Variants in CNOT1 observed in about 807,000 individuals in gnomAD.
CNOT1 encodes CCR4-associated factor 1.
In CNOT1, 15 loss-of-function variants were observed where a neutral mutation model predicts 273.8. The observed-to-expected ratio is 0.05, with a 90% CI of 0.04 to 0.08. The LOEUF (loss-of-function observed/expected upper bound fraction) is 0.08, where lower values mean the gene tolerates loss of function less well. Ranked by LOEUF, CNOT1 falls within the 10% of genes least tolerant of loss-of-function variation. The pLI is 1.00. For synonymous variants in CNOT1, 1,022 were observed against 1,005.5 expected (o/e 1.02, Z -0.31); for missense variants, 1,644 against 2,912.2 (o/e 0.56, Z 10.02).
intron 1 of CNOT1, among the ~76,000 whole-genome samples, chr16:58,625,684 C>CA (rs374135053): frequency 0.037 from 5,302 of 142,270 alleles, 290 homozygotes; most frequent in African/African-American, 0.13. Context: ...AACTCTCTCT[C>CA]AAAAAAAAAA....
At chr16:58,575,835 C>G (rs1054479152) in intron 14 of CNOT1, among the ~76,000 whole-genome samples, 1 of 152,072 alleles carries the variant, frequency 6.6e-6, no homozygotes, top group Non-Finnish European at 1.5e-5. Flanking sequence ...TCAAAAGATC[C>G]TGTTGATTCT....
rs1014116200 is a variant in CNOT1 at position 58,581,415 on chromosome 16, T to C, written c.1145A>G (p.Gln382Arg). The C allele has an allele frequency of 6.2e-7, 1 of 1,614,068 alleles. No homozygotes were observed. Among genetic ancestry groups the C allele is most frequent in the Non-Finnish European group, 8.5e-7 (1 of 1,179,996 alleles). ...GAACACTTCCATACCCAAACCCCTC[T>C]GAATGCCATAAACCACATTATGAAG... Reference protein sequence around the residue: ...KGLHNVVYGIQRGLGMEVFPV... With the variant: ...KGLHNVVYGIRRGLGMEVFPV... The change falls in exon 11 of 49, where the codon CAG (glutamine) becomes CGG (arginine). Residue 382 changes from glutamine (Q) to arginine (R), a missense_variant. Physicochemically the swap from Gln to Arg is conservative, Grantham distance 43. This residue lies in a region of CNOT1 where 706 missense variants were observed against 1,021.2 expected (regional missense o/e 0.69). Transcript: ENST00000317147.
At chr16:58,612,883 T>C (rs1286774250) in intron 1 of CNOT1, among the ~76,000 whole-genome samples, 2 of 152,182 alleles carry the variant, frequency 1.3e-5, no homozygotes, top group African/African-American at 4.8e-5. Flanking sequence ...CTTATGCAAG[T>C]ATAATAAACA....
rs1383735125 is a variant in CNOT1 at position 58,555,872 on chromosome 16, T to C, written c.2516A>G (p.His839Arg). The change falls in exon 20 of 49, where the codon CAC becomes CGC. Residue 839 changes from histidine to arginine, a missense_variant. Physicochemically the swap from His to Arg is conservative, Grantham distance 29. This residue lies in a region of CNOT1 where 74 missense variants were observed against 184.6 expected (regional missense o/e 0.40). Coordinates refer to ENST00000317147, the MANE Select transcript of CNOT1 (RefSeq NM_016284.5). ...LSQVWPEANQ[H>R]FSKEIDDEAN... The stretch of plus-strand genomic sequence containing the variant: ...TTCATCATCTATCTCTTTACTAAAG[T>C]GCTGGTTTGCCTCTGGCCACACCTG... 1 of 1,613,644 alleles carries C rather than the reference T, an allele frequency of 6.2e-7. No homozygotes were observed. Among genetic ancestry groups the C allele is most frequent in the Non-Finnish European group, 8.5e-7 (1 of 1,180,032 alleles).
intron 1 of CNOT1, among the ~76,000 whole-genome samples, chr16:58,623,070 C>G (rs943967326): frequency 6.6e-6 from 1 of 151,672 alleles, no homozygotes; most frequent in Non-Finnish European, 1.5e-5. Flanking sequence ...TGGTGGCAGG[C>G]GCCTGTAATC....
At chr16:58,624,093 G>T (rs2043461357) in intron 1 of CNOT1, among the ~76,000 whole-genome samples, 1 of 152,194 alleles carries the variant, frequency 6.6e-6, no homozygotes, top group African/African-American at 2.4e-5. Flanking sequence ...TTTATAGTCA[G>T]TTGGTCAGAA....
At chr16:58,525,788 T>C (rs1486133177) in intron 45 of CNOT1, among the ~76,000 whole-genome samples, 3 of 152,250 alleles carry the variant, frequency 2.0e-5, no homozygotes, top group Non-Finnish European at 4.4e-5. Flanking sequence ...TCTACTCTTC[T>C]AGTGCTGTCT....
At chr16:58,527,241 A>G (rs1056983798) in intron 44 of CNOT1, among the ~76,000 whole-genome samples, 5 of 152,000 alleles carry the variant, frequency 3.3e-5, no homozygotes, top group African/African-American at 4.8e-5. Flanking sequence ...ACAACAATAA[A>G]GGCCGGGTGC....
At chr16:58,543,991 T>A (rs765746511) in intron 30 of CNOT1, 88 bp from the exon 31 acceptor site, 56 of 1,472,572 alleles carry the variant, frequency 3.8e-5, no homozygotes, top group Non-Finnish European at 4.7e-5. Flanking sequence ...ATTTTGTAAA[T>A]CAAGATTAAC....
intron 21 of CNOT1, among the ~76,000 whole-genome samples, chr16:58,554,128 A>C (rs2040545670): frequency 6.6e-6 from 1 of 152,228 alleles, no homozygotes; most frequent in Non-Finnish European, 1.5e-5. Context: ...ACTTCTCTGG[A>C]AACAATTCAA....
chr16:58,588,028 G>A, intron 3 of CNOT1, 150 bp from the exon 4 acceptor site: 1 of 815,090 alleles, frequency 1.2e-6, no homozygotes, highest in South Asian at 2.0e-5. Context: ...GCCAGGTGCG[G>A]TGGTTGACAA....
chr16:58,540,844 A>T (rs2040071687), intron 34 of CNOT1, among the ~76,000 whole-genome samples: 1 of 152,220 alleles, frequency 6.6e-6, no homozygotes, highest in African/African-American at 2.4e-5. Context: ...TTCGGGGGAA[A>T]ATATTTTTCC....
chr16:58,610,893 C>T (rs1327991600), intron 1 of CNOT1, among the ~76,000 whole-genome samples: 7 of 151,488 alleles, frequency 4.6e-5, no homozygotes, highest in Admixed American at 6.6e-5. Flanking sequence ...AAAAATCAGC[C>T]GGGCGTGGTG....
In CNOT1 at chr16:58,549,859, G is replaced by A. The variant is rs113426941; in HGVS notation, c.3382C>T (p.Pro1128Ser). Reference sequence around the variant, plus strand: ...ATAACCAGATACTGTGAAACCCAAGGCATAAATTCTTCTTTCACCGTTTCC... The same window carrying A: ...ATAACCAGATACTGTGAAACCCAAGACATAAATTCTTCTTTCACCGTTTCC... Reference protein sequence around the residue: ...LKETVKEEFMPWVSQYLVMKR... With the variant: ...LKETVKEEFMSWVSQYLVMKR... Residue 1128 changes from proline (P) to serine (S), a missense_variant, in exon 25 of 49, where the codon CCT becomes TCT. By Grantham distance (74) the Pro-to-Ser change is moderately conservative. Transcript: ENST00000317147. 45 of 1,613,866 alleles carry A rather than the reference G, an allele frequency of 2.8e-5. No individual in the cohort carries two copies. The highest frequency in any genetic ancestry group is 3.6e-5 in the Non-Finnish European group (43 of 1,179,942).
At chr16:58,608,553 C>CAAAAAAAAAAAA (rs11397997) in intron 1 of CNOT1, among the ~76,000 whole-genome samples, 2 of 129,814 alleles carry the variant, frequency 1.5e-5, no homozygotes. Flanking sequence ...GACTCTGTCT[C>CAAAAAAAAAAAA]AAAAAAAAAA....
chr16:58,597,153 G>C (rs541144355), intron 2 of CNOT1, among the ~76,000 whole-genome samples: 17 of 150,376 alleles, frequency 1.1e-4, no homozygotes, highest in African/African-American at 3.9e-4. Context: ...ACAATTTCTA[G>C]AAAGTAGAAA....
chr16:58,535,922 G>T (rs1358148269), intron 39 of CNOT1, among the ~76,000 whole-genome samples: 1 of 151,944 alleles, frequency 6.6e-6, no homozygotes, highest in Non-Finnish European at 1.5e-5. Flanking sequence ...TTTTAGTAGA[G>T]ACAGGGTTTC....
intron 45 of CNOT1, 141 bp downstream of exon 45, chr16:58,525,848 C>T (rs961268670): frequency 1.6e-5 from 11 of 708,860 alleles, no homozygotes; most frequent in Admixed American, 5.3e-5. Context: ...TAGTAAAATA[C>T]GTAAATCCAG....
At chr16:58,626,637 G>A (rs1054399121) in intron 1 of CNOT1, among the ~76,000 whole-genome samples, 11 of 151,616 alleles carry the variant, frequency 7.3e-5, no homozygotes, top group Admixed American at 1.3e-4. Context: ...GTGCGCGCCT[G>A]TAATCCCAGC....
Sources: gnomAD v4.1 joint callset for allele counts (sites outside exome capture counted in the v4.1 genomes callset) on GRCh38, gnomAD v4.1.1 for gene constraint, gnomAD v4.1.1 regional missense constraint, MANE v1.5 for transcripts, NCBI Gene and HGNC (gene_info 2026-07-23, HGNC 2026-07-21) for gene names.